The following LRRC4C variants were observed in gnomAD, a reference collection of about 807,000 sequenced individuals.
The protein encoded by LRRC4C is leucine rich repeat containing 4C.
LRRC4C carries 5 observed loss-of-function variants against 33.6 expected under a neutral mutation model. The ratio of observed to expected loss-of-function variants is 0.15; its 90% CI spans 0.08 to 0.31. LRRC4C has a LOEUF of 0.31. LRRC4C is among the 10% of genes least tolerant of loss of function. The pLI, the probability that LRRC4C is intolerant of heterozygous loss-of-function variation, is 1.00. For synonymous variants in LRRC4C, 329 were observed against 302.0 expected, an observed-to-expected ratio of 1.09 and a Z score of -0.93; for missense variants, 560 against 796.7, an observed-to-expected ratio of 0.70 and a Z score of 3.58.
Position 40,459,846 on chromosome 11 carries a change from C to T in LRRC4C, c.-269-140125G>A, listed in dbSNP as rs182686295. 2.6e-5 allele frequency among the ~76,000 whole-genome samples: 4 copies of T among 152,288 alleles called. No individual in the cohort carries two copies. In the East Asian group the frequency reaches 7.7e-4, roughly 29 times the overall value. ...GAGCAGCCACCTGTGTGCGTGCTGG[C>T]TACCTTTTCGCCCCTCAAGTTTTGC... On this transcript the variant is annotated intron_variant, in intron 3 of 6. Transcript: ENST00000528697.
chr11:41,380,513 G>A (rs191938362), intron 1 of LRRC4C, among the ~76,000 whole-genome samples: 30 of 152,120 alleles, frequency 2.0e-4, no homozygotes, highest in African/African-American at 6.0e-4. Context: ...ATAAACTGGG[G>A]AAGTTTGTAG....
chr11:40,525,875 G>A (rs1425064649), intron 3 of LRRC4C, among the ~76,000 whole-genome samples: 1 of 152,166 alleles, frequency 6.6e-6, no homozygotes, highest in Non-Finnish European at 1.5e-5. Flanking sequence ...GGTGGTATTG[G>A]TCGAAGTGTA....
intron 1 of LRRC4C, among the ~76,000 whole-genome samples, chr11:41,332,747 G>A (rs781585002): frequency 3.9e-5 from 6 of 152,008 alleles, no homozygotes; most frequent in African/African-American, 1.4e-4. Flanking sequence ...TTTGAACTTC[G>A]GTTCAGCATT....
intron 1 of LRRC4C, among the ~76,000 whole-genome samples, chr11:40,947,492 T>C (rs1248966430): frequency 6.6e-6 from 1 of 152,152 alleles, no homozygotes; most frequent in Non-Finnish European, 1.5e-5. Flanking sequence ...TATTACCTAG[T>C]GAATCATGAG....
intron 1 of LRRC4C, among the ~76,000 whole-genome samples, chr11:41,023,116 A>T (rs978034286): frequency 6.6e-6 from 1 of 151,970 alleles, no homozygotes; most frequent in Non-Finnish European, 1.5e-5. Context: ...AGAGAACATC[A>T]CCAAGATCAT....
At chr11:40,795,673 C>T (rs1474330611) in intron 2 of LRRC4C, among the ~76,000 whole-genome samples, 1 of 152,048 alleles carries the variant, frequency 6.6e-6, no homozygotes, top group Non-Finnish European at 1.5e-5. Context: ...TCCACTTGTC[C>T]TCTTATAAAA....
intron 3 of LRRC4C, among the ~76,000 whole-genome samples, chr11:40,449,512 A>C (rs1282761417): frequency 6.6e-6 from 1 of 152,286 alleles, no homozygotes; most frequent in African/African-American, 2.4e-5. Context: ...ACTTCATCAA[A>C]GCCCTTTATT....
chr11:40,457,370 G>T (rs1204727492), intron 3 of LRRC4C, among the ~76,000 whole-genome samples: 1 of 152,118 alleles, frequency 6.6e-6, no homozygotes. Flanking sequence ...TGATGAAGGT[G>T]TATGTATCTA....
At chr11:40,317,997 A>C (rs1945661494) in intron 4 of LRRC4C, among the ~76,000 whole-genome samples, 1 of 152,088 alleles carries the variant, frequency 6.6e-6, no homozygotes, top group African/African-American at 2.4e-5. Flanking sequence ...TAGCTTCCAG[A>C]GGTATAAGTT....
At chr11:40,428,408 A>G (rs745567811) in intron 3 of LRRC4C, among the ~76,000 whole-genome samples, 1 of 152,198 alleles carries the variant, frequency 6.6e-6, no homozygotes, top group Non-Finnish European at 1.5e-5. Flanking sequence ...AAATGAGTTC[A>G]TTTGGAAAAG....
chr11:40,999,091 A>T lies in LRRC4C; in HGVS notation c.-495-65368T>A, dbSNP rs555644276. 3.3e-5 allele frequency among the ~76,000 whole-genome samples: 5 copies of T among 152,278 alleles called. No individual in the cohort carries two copies. The South Asian group carries it at 1.0e-3, about 32-fold the overall frequency. On this transcript the variant is annotated intron_variant, in intron 1 of 6. Coordinates refer to ENST00000528697, the MANE Select transcript of LRRC4C (RefSeq NM_001258419.2). ...TTCCATAGGAGACTGCAGATCGATG[A>T]ACACACAGAACATGTCCTTGTCACC...
intron 3 of LRRC4C, among the ~76,000 whole-genome samples, chr11:40,513,469 A>G (rs1955426187): frequency 6.6e-6 from 1 of 152,120 alleles, no homozygotes; most frequent in Non-Finnish European, 1.5e-5. Context: ...AAGCCCTAGC[A>G]AACCACAGAC....
At chr11:40,286,061 C>G (rs1375132914) in intron 4 of LRRC4C, among the ~76,000 whole-genome samples, 1 of 152,170 alleles carries the variant, frequency 6.6e-6, no homozygotes, top group Non-Finnish European at 1.5e-5. Context: ...TATTAACTTA[C>G]AGTAGTGCCT....
chr11:40,655,442 A>T (rs1236883839), intron 2 of LRRC4C, among the ~76,000 whole-genome samples: 2 of 152,228 alleles, frequency 1.3e-5, no homozygotes, highest in Non-Finnish European at 1.5e-5. Context: ...AATATGGCAA[A>T]CATGCTATTA....
At chr11:40,181,899 T>G (rs1590638196) in intron 5 of LRRC4C, among the ~76,000 whole-genome samples, 1 of 152,270 alleles carries the variant, frequency 6.6e-6, no homozygotes, top group Middle Eastern at 3.4e-3. Context: ...GGTGGCCTCC[T>G]ATGGCCAATC....
intron 5 of LRRC4C, among the ~76,000 whole-genome samples, chr11:40,206,271 T>C (rs1863141312): frequency 6.6e-6 from 1 of 152,192 alleles, no homozygotes; most frequent in Non-Finnish European, 1.5e-5. Context: ...GTCTCACTCT[T>C]GTCGCCCAGG....
At chr11:40,129,759 A>G (rs1856517596) in intron 6 of LRRC4C, among the ~76,000 whole-genome samples, 1 of 152,166 alleles carries the variant, frequency 6.6e-6, no homozygotes, top group Non-Finnish European at 1.5e-5. Flanking sequence ...AAGATCTTCT[A>G]ATTCTACTAT....
chr11:40,929,144 T>C (rs1437413440), intron 2 of LRRC4C, among the ~76,000 whole-genome samples: 2 of 152,270 alleles, frequency 1.3e-5, no homozygotes, highest in African/African-American at 4.8e-5. Flanking sequence ...TCTTTAAAGT[T>C]GCAAAACTTA....
At chr11:41,217,661 C>T (rs770562975) in intron 1 of LRRC4C, among the ~76,000 whole-genome samples, 1 of 152,030 alleles carries the variant, frequency 6.6e-6, no homozygotes, top group Non-Finnish European at 1.5e-5. Flanking sequence ...TTGGAATGAA[C>T]TAGTGATGAA....
Sources: allele counts gnomAD v4.1 joint callset (sites outside exome capture counted in the v4.1 genomes callset), GRCh38; gene constraint gnomAD v4.1.1; transcripts MANE v1.5; gene names NCBI Gene and HGNC (gene_info 2026-07-23, HGNC 2026-07-21).